MERTK: variants seen among roughly 807,000 people sequenced by gnomAD.
MERTK encodes tyrosine-protein kinase Mer.
Under a neutral mutation model 99.3 loss-of-function variants are expected in MERTK, and 69 were observed. The observed-to-expected ratio is 0.70, with a 90% CI of 0.57 to 0.85. The LOEUF (loss-of-function observed/expected upper bound fraction) is 0.85. Among genes scored for constraint, MERTK ranks in the 40% least tolerant of loss-of-function variants. The pLI, the probability that MERTK is intolerant of heterozygous loss-of-function variation, is 0.00. For missense variants in MERTK, 1,125 were observed against 1,249.4 expected (o/e 0.90, Z 1.50); for synonymous variants, 426 against 467.6 (o/e 0.91, Z 1.15).
At chr2:111,905,433 CTTTTTTT>C (rs61232340) in intron 1 of MERTK, among the ~76,000 whole-genome samples, 1 of 85,266 alleles carries the variant, frequency 1.2e-5, no homozygotes, top group South Asian at 4.8e-4. Flanking sequence ...CTACACTGTT[CTTTTTTT>C]TTTTTTTTTT....
At chr2:111,968,332 G>A in intron 6 of MERTK, 80 bp downstream of exon 6, 1 of 1,096,402 alleles carries the variant, frequency 9.1e-7, no homozygotes, top group South Asian at 1.3e-5. Context: ...TCCAAGGATG[G>A]GCATGGAGGG....
At chr2:111,938,003 A>C (rs541353889) in intron 2 of MERTK, among the ~76,000 whole-genome samples, 1 of 152,328 alleles carries the variant, frequency 6.6e-6, no homozygotes, top group East Asian at 1.9e-4. Context: ...TGCAACCATC[A>C]GCACACGTTG....
chr2:111,997,616 C>A, intron 10 of MERTK, 140 bp downstream of exon 10: 2 of 1,019,956 alleles, frequency 2.0e-6, no homozygotes, highest in Non-Finnish European at 3.0e-6. Context: ...TGGGCTCAGG[C>A]AGCTTCCTGA....
chr2:111,927,103 C>A (rs74562473), intron 1 of MERTK, among the ~76,000 whole-genome samples: 32,632 of 152,228 alleles, frequency 0.21, 4,050 homozygotes, highest in South Asian at 0.32. Context: ...CCACACTCAC[C>A]AAGACCTCAG....
intron 4 of MERTK, among the ~76,000 whole-genome samples, chr2:111,947,854 C>T (rs1239102806): frequency 6.6e-6 from 1 of 152,160 alleles, no homozygotes; most frequent in Non-Finnish European, 1.5e-5. Flanking sequence ...CTGCTCGCAT[C>T]TCCCATTGTA....
intron 2 of MERTK, chr2:111,941,069 T>G (rs1684858155): frequency 2.2e-6 from 1 of 448,818 alleles, no homozygotes; most frequent in African/African-American, 2.0e-5. Context: ...TGGCTTTTAC[T>G]CTTTTACTTT....
rs1259389572 is a variant in MERTK, at chr2:111,929,477, C to T, written c.419C>T (p.Ala140Val). Residue 140 changes from alanine (A) to valine (V), a missense_variant, in exon 2 of 19, where the codon GCA (alanine) becomes GTA (valine). Transcript: ENST00000295408. ...AAAGATGGGAAGGAATTGCTTGGGG[C>T]ACATCATGCAATTACACAGTTTTAT... The part of the protein sequence containing the change: ...WWKDGKELLG[A>V]HHAITQFYPD... 6.2e-7 allele frequency: 1 copy of T among 1,613,996 alleles called. No individual in the cohort carries two copies. The highest frequency in any genetic ancestry group is 8.5e-7 in the Non-Finnish European group (1 of 1,180,004).
At chr2:111,910,122 A>G (rs1028599836) in intron 1 of MERTK, among the ~76,000 whole-genome samples, 1 of 152,120 alleles carries the variant, frequency 6.6e-6, no homozygotes, top group Non-Finnish European at 1.5e-5. Context: ...AAAATTAGCT[A>G]GACATTGTGG....
intron 1 of MERTK, among the ~76,000 whole-genome samples, chr2:111,919,987 C>G (rs1663949642): frequency 6.6e-6 from 1 of 151,956 alleles, no homozygotes; most frequent in African/African-American, 2.4e-5. Flanking sequence ...CCTCCAGACC[C>G]ACTCTCCATG....
intron 18 of MERTK, among the ~76,000 whole-genome samples, chr2:112,023,276 T>C (rs1008381994): frequency 1.3e-5 from 2 of 151,880 alleles, no homozygotes; most frequent in African/African-American, 4.8e-5. Flanking sequence ...TAGCCGGGTG[T>C]GGTGGCGGGC....
intron 4 of MERTK, among the ~76,000 whole-genome samples, chr2:111,959,365 C>T (rs1372673830): frequency 6.6e-6 from 1 of 152,142 alleles, no homozygotes; most frequent in Non-Finnish European, 1.5e-5. Flanking sequence ...CTCTTCCTTG[C>T]ATTACAAAAG....
intron 1 of MERTK, among the ~76,000 whole-genome samples, chr2:111,928,658 G>C (rs1684611833): frequency 6.6e-6 from 1 of 152,010 alleles, no homozygotes; most frequent in South Asian, 2.1e-4. Flanking sequence ...GCTAATTTTT[G>C]TATTTTTAGT....
chr2:112,019,496 T>A lies in MERTK; in HGVS notation c.2163T>A (p.His721Gln), dbSNP rs749472520. 2.5e-6 allele frequency: 4 copies of A among 1,613,738 alleles called. No individual in the cohort carries two copies. Among genetic ancestry groups the A allele is most frequent in the Non-Finnish European group, 3.4e-6 (4 of 1,179,604 alleles). The change falls in exon 16 of 19, where the codon CAT (histidine) becomes CAA (glutamine). Residue 721 changes from histidine (H) to glutamine (Q), a missense_variant. His to Gln is a conservative substitution (Grantham distance 24). Coordinates refer to ENST00000295408, the MANE Select transcript of MERTK (RefSeq NM_006343.3). ...MEYLSNRNFL[H>Q]RDLAARNCML... ...ATCTGAGCAACAGGAATTTTCTTCA[T>A]CGAGATTTAGCTGCTCGAAACTGCA...
intron 2 of MERTK, among the ~76,000 whole-genome samples, chr2:111,939,778 G>A (rs1396432158): frequency 6.7e-6 from 1 of 148,254 alleles, no homozygotes; most frequent in Non-Finnish European, 1.5e-5. Flanking sequence ...TACTGGGAGT[G>A]CAGGCATGAG....
In MERTK at chr2:111,929,365, A is replaced by G. The variant is rs1462807457; in HGVS notation, c.307A>G (p.Ile103Val). 1 of 1,614,196 alleles carries G rather than the reference A, an allele frequency of 6.2e-7. No homozygotes were observed. Among genetic ancestry groups the G allele is most frequent in the South Asian group, 1.1e-5 (1 of 91,080 alleles). ...TGCCTTCAAACACACAGTTGGACAC[A>G]TAATACTTTCTGAACATAAAGGTGT... ...PLAFKHTVGH[I>V]ILSEHKGVKF... Residue 103 changes from isoleucine (I) to valine (V), a missense_variant, in exon 2 of 19, where the codon ATA (isoleucine) becomes GTA (valine). Physicochemically the swap from Ile to Val is conservative, Grantham distance 29. Transcript: ENST00000295408.
chr2:111,998,968 G>A (rs1676811058), intron 10 of MERTK, among the ~76,000 whole-genome samples: 1 of 152,084 alleles, frequency 6.6e-6, no homozygotes, highest in Admixed American at 6.5e-5. Flanking sequence ...ATTTTTAAAT[G>A]AAAATACTTT....
At chr2:111,910,566 G>A (rs1403168196) in intron 1 of MERTK, among the ~76,000 whole-genome samples, 3 of 149,846 alleles carry the variant, frequency 2.0e-5, no homozygotes, top group South Asian at 2.1e-4. Flanking sequence ...CACCTCACCC[G>A]GCTGACCCTG....
intron 13 of MERTK, among the ~76,000 whole-genome samples, chr2:112,007,007 C>T (rs1676993149): frequency 8.6e-6 from 1 of 116,434 alleles, no homozygotes; most frequent in South Asian, 2.9e-4. Context: ...CTAAGGCAAG[C>T]CAGACTTTTT....
intron 18 of MERTK, chr2:112,028,073 TAAAG>T (rs1299815275): frequency 1.6e-4 from 77 of 469,676 alleles, no homozygotes; most frequent in South Asian, 1.6e-3. Context: ...CGCCGCCATA[TAAAG>T]AAAGAGACCT....
Sources: allele counts gnomAD v4.1 joint callset (sites outside exome capture counted in the v4.1 genomes callset), GRCh38; gene constraint gnomAD v4.1.1; transcripts MANE v1.5; gene names NCBI Gene and HGNC (gene_info 2026-07-23, HGNC 2026-07-21).